The following TMOD1 variants were observed in gnomAD, a reference collection of about 807,000 sequenced individuals.
TMOD1 encodes tropomodulin-1.
Under a neutral mutation model 40.6 loss-of-function variants are expected in TMOD1, and 17 were observed. The ratio of observed to expected loss-of-function variants is 0.42; its 90% CI spans 0.29 to 0.63. The LOEUF is 0.63. Among genes scored for constraint, TMOD1 ranks in the 20% least tolerant of loss-of-function variants. The pLI, the probability that TMOD1 is intolerant of heterozygous loss-of-function variation, is 0.22. For missense variants in TMOD1, 391 were observed against 447.6 expected (o/e 0.87, Z 1.14); for synonymous variants, 181 against 175.0 (o/e 1.03, Z -0.27).
intron 9 of TMOD1, among the ~76,000 whole-genome samples, chr9:97,597,024 C>T (rs1266557091): frequency 6.6e-6 from 1 of 152,160 alleles, no homozygotes; most frequent in Non-Finnish European, 1.5e-5. Flanking sequence ...TACATGCTGC[C>T]GAATATTTAA....
rs1178378813 is a variant in TMOD1, at chr9:97,600,685, A to G, written c.*987A>G. On this transcript the variant is annotated 3_prime_UTR_variant, in exon 10 of 10. Transcript: ENST00000259365. ...AAATTGCTGCTGACCTTACGCCTGT[A>G]TATTAAGCCTCCGCAGGATGCCGGA... The G allele has an allele frequency of 5.0e-6, 5 of 1,000,966 alleles. No individual in the cohort carries two copies. Among genetic ancestry groups the G allele is most frequent in the Non-Finnish European group, 3.6e-6 (3 of 839,528 alleles). The allele number at this position is 1,000,966 out of a possible 1,614,324, so 62.0% of individuals were successfully genotyped here.
chr9:97,560,558 G>A (rs967187438), intron 4 of TMOD1, among the ~76,000 whole-genome samples: 2 of 151,866 alleles, frequency 1.3e-5, no homozygotes, highest in African/African-American at 4.8e-5. Flanking sequence ...TCAAGGTGGT[G>A]GATCAAGAAG....
chr9:97,582,618 C>G (rs1825782236), intron 8 of TMOD1, among the ~76,000 whole-genome samples: 1 of 107,244 alleles, frequency 9.3e-6, no homozygotes, highest in African/African-American at 4.3e-5. Context: ...GATATTGATT[C>G]TTCCTACCCA....
intron 2 of TMOD1, among the ~76,000 whole-genome samples, chr9:97,528,514 C>T (rs995721027): frequency 3.3e-5 from 5 of 152,098 alleles, no homozygotes; most frequent in African/African-American, 1.2e-4. Context: ...ACAATTGATC[C>T]CTTCATTAAG....
At chr9:97,599,613 C>CTT in intron 9 of TMOD1, 21 bp from the exon 10 acceptor site, 1 of 1,614,080 alleles carries the variant, frequency 6.2e-7, no homozygotes, top group Non-Finnish European at 8.5e-7. Flanking sequence ...TGCCTTATAT[C>CTT]TTATCTCCAT....
chr9:97,533,798 G>A (rs1830138521), intron 2 of TMOD1, among the ~76,000 whole-genome samples: 1 of 152,232 alleles, frequency 6.6e-6, no homozygotes, highest in Non-Finnish European at 1.5e-5. Flanking sequence ...CAGGTAGGGT[G>A]CAGCTTCGCT....
At chr9:97,558,904 G>T (rs2131260438) in intron 4 of TMOD1, among the ~76,000 whole-genome samples, 1 of 152,312 alleles carries the variant, frequency 6.6e-6, no homozygotes, top group South Asian at 2.1e-4. Flanking sequence ...CCTATACAGG[G>T]TTACCCAGAA....
At chr9:97,531,552 A>C (rs191683825) in intron 2 of TMOD1, among the ~76,000 whole-genome samples, 4 of 152,290 alleles carry the variant, frequency 2.6e-5, no homozygotes, top group Admixed American at 2.6e-4. Flanking sequence ...CGGAGGTTGC[A>C]GTGAGCCAAG....
chr9:97,582,148 C>T (rs1825771969), intron 8 of TMOD1, among the ~76,000 whole-genome samples: 1 of 151,984 alleles, frequency 6.6e-6, no homozygotes, highest in Non-Finnish European at 1.5e-5. Context: ...ACGTTTAAGT[C>T]TTTAATCCAT....
At position 97,565,846 on chromosome 9, in the gene TMOD1, A is replaced by G; in HGVS notation, c.619-2A>G. The G allele has an allele frequency of 6.2e-7, 1 of 1,613,254 alleles. No individual in the cohort carries two copies. Among genetic ancestry groups the G allele is most frequent in the South Asian group, 1.1e-5 (1 of 91,030 alleles). On this transcript the variant is annotated splice_acceptor_variant, in intron 6 of 9. Coordinates refer to ENST00000259365, the MANE Select transcript of TMOD1 (RefSeq NM_003275.4). LOFTEE classifies it high-confidence loss of function. ...CTCTCTCTGTTGCCTTTCTTTGTGC[A>G]GAATATCCCCATCCCCACCCTCAAG...
At chr9:97,553,946 G>T (rs1830493337) in intron 4 of TMOD1, among the ~76,000 whole-genome samples, 1 of 152,098 alleles carries the variant, frequency 6.6e-6, no homozygotes, top group Non-Finnish European at 1.5e-5. Flanking sequence ...TCCAGAAGGT[G>T]GCCTGATATT....
In TMOD1 at chr9:97,593,457, G is replaced by T. The variant is rs563441672; in HGVS notation, c.1015+2022G>T. On this transcript the variant is annotated intron_variant, in intron 9 of 9. Transcript: ENST00000259365. Reference sequence around the variant, plus strand: ...TTAGAAAGAAACTGGAGCCTGGGGTGGGGGTAGGGGGTCTAGGCAGCAGCT... The same window carrying T: ...TTAGAAAGAAACTGGAGCCTGGGGTTGGGGTAGGGGGTCTAGGCAGCAGCT... Among the ~76,000 whole-genome samples, 8 of 152,188 alleles carry T rather than the reference G, an allele frequency of 5.3e-5. No homozygotes were observed. In the South Asian group the frequency reaches 1.7e-3, roughly 32 times the overall value.
upstream of TMOD1, chr9:97,501,553 G>T (rs182340472): frequency 1.3e-5 from 2 of 150,504 alleles, no homozygotes; most frequent in East Asian, 2.0e-4. Context: ...GTGGAGGGGG[G>T]GGGAAGGAGG....
At position 97,546,305 on chromosome 9, in the gene TMOD1, C is replaced by G. The variant is rs766091627; in HGVS notation, c.241C>G (p.Arg81Gly). ...AAAGCAAGCAAAGGAGTTTAAGGAC[C>G]GAGAAGATCTGGTCCCCTACACAGG... ...LEKQAKEFKD[R>G]EDLVPYTGEK... is the part of the protein sequence containing the mutation. The change falls in exon 3 of 10, where the codon CGA becomes GGA. Residue 81 changes from arginine to glycine, a missense_variant. Coordinates refer to ENST00000259365, the MANE Select transcript of TMOD1 (RefSeq NM_003275.4). The G allele has an allele frequency of 6.2e-7, 1 of 1,613,886 alleles. No homozygotes were observed. The highest frequency in any genetic ancestry group is 1.7e-5 in the Admixed American group (1 of 59,996).
chr9:97,569,121 T>C (rs2131270394), intron 8 of TMOD1, 84 bp downstream of exon 8: 1 of 1,541,826 alleles, frequency 6.5e-7, no homozygotes, highest in East Asian at 2.3e-5. Context: ...TGGATGGAGC[T>C]GAGAATGCTG....
chr9:97,593,867 A>C (rs1190912277), intron 9 of TMOD1, among the ~76,000 whole-genome samples: 1 of 151,996 alleles, frequency 6.6e-6, no homozygotes, highest in African/African-American at 2.4e-5. Context: ...AGGATCTAAA[A>C]GGATTGGAGG....
intron 1 of TMOD1, among the ~76,000 whole-genome samples, chr9:97,506,269 A>G (rs948281868): frequency 4.6e-5 from 7 of 152,180 alleles, no homozygotes; most frequent in African/African-American, 1.7e-4. Flanking sequence ...GGAACCACCC[A>G]ATGATGTATC....
At chr9:97,522,370 T>C (rs797002616) in intron 1 of TMOD1, among the ~76,000 whole-genome samples, 3 of 152,214 alleles carry the variant, frequency 2.0e-5, no homozygotes, top group African/African-American at 7.2e-5. Flanking sequence ...TTCCCGTTTA[T>C]AAGGATCCCA....
intron 1 of TMOD1, among the ~76,000 whole-genome samples, chr9:97,517,183 CA>C (rs1215915357): frequency 6.6e-6 from 1 of 151,692 alleles, no homozygotes; most frequent in African/African-American, 2.4e-5. Flanking sequence ...CTCATCTCTA[CA>C]AAAAAATTTT....
Sources: allele counts gnomAD v4.1 joint callset (sites outside exome capture counted in the v4.1 genomes callset), GRCh38; gene constraint gnomAD v4.1.1; transcripts MANE v1.5; gene names NCBI Gene and HGNC (gene_info 2026-07-23, HGNC 2026-07-21).